The following OXCT1 variants were observed in gnomAD, a reference collection of about 807,000 sequenced individuals.
OXCT1 encodes 3-oxoacid CoA-transferase 1, also known as succinyl-CoA:3-ketoacid coenzyme A transferase 1, mitochondrial.
In OXCT1, 27 loss-of-function variants were observed where a neutral mutation model predicts 69.6. The ratio of observed to expected loss-of-function variants is 0.39; its 90% CI spans 0.29 to 0.54. The LOEUF is 0.54. OXCT1 is among the 20% of genes least tolerant of loss of function. OXCT1 has a pLI of 0.72. For missense variants in OXCT1, 437 were observed against 650.2 expected (o/e 0.67, Z 3.57); for synonymous variants, 202 against 217.8 (o/e 0.93, Z 0.64).
intron 13 of OXCT1, among the ~76,000 whole-genome samples, chr5:41,772,093 TCTC>T (rs1330526850): frequency 6.6e-6 from 1 of 152,182 alleles, no homozygotes; most frequent in Non-Finnish European, 1.5e-5. Flanking sequence ...AATATATTAA[TCTC>T]CTCAACAACT....
chr5:41,749,611 T>C lies in OXCT1; in HGVS notation c.1339-4A>G, dbSNP rs772316297. 6.3e-6 allele frequency: 10 copies of C among 1,591,612 alleles called. No homozygotes were observed. The highest frequency in any genetic ancestry group is 1.1e-5 in the South Asian group (1 of 90,206). On this transcript the variant is annotated splice_polypyrimidine_tract_variant and splice_region_variant and intron_variant, in intron 14 of 16. Coordinates refer to ENST00000196371, the MANE Select transcript of OXCT1 (RefSeq NM_000436.4). Reference sequence around the variant, plus strand: ...CCATGATTTTATGTGCATTTCCCTGTTTTAAAAAGAAAACATCAAAAAGAG... The same window carrying C: ...CCATGATTTTATGTGCATTTCCCTGCTTTAAAAAGAAAACATCAAAAAGAG...
intron 15 of OXCT1, among the ~76,000 whole-genome samples, chr5:41,742,203 A>G (rs1030788283): frequency 6.6e-6 from 1 of 152,234 alleles, no homozygotes; most frequent in African/African-American, 2.4e-5. Flanking sequence ...AATTAGATAT[A>G]TTAGAAAACC....
chr5:41,760,202 G>A (rs1251448799), intron 14 of OXCT1, among the ~76,000 whole-genome samples: 1 of 152,126 alleles, frequency 6.6e-6, no homozygotes, highest in Admixed American at 6.6e-5. Context: ...AGAGCCACAA[G>A]TAAAATGTGT....
At chr5:41,799,185 A>C (rs1314955388) in intron 11 of OXCT1, among the ~76,000 whole-genome samples, 1 of 151,892 alleles carries the variant, frequency 6.6e-6, no homozygotes, top group Non-Finnish European at 1.5e-5. Flanking sequence ...GTATTCAAAG[A>C]GATTTCCATA....
intron 8 of OXCT1, among the ~76,000 whole-genome samples, chr5:41,806,482 T>A (rs1156503902): frequency 6.6e-6 from 1 of 152,100 alleles, no homozygotes; most frequent in African/African-American, 2.4e-5. Context: ...ATGTTGGAGA[T>A]GCGGCCTAGT....
At chr5:41,755,556 T>C (rs1474785020) in intron 14 of OXCT1, among the ~76,000 whole-genome samples, 2 of 152,156 alleles carry the variant, frequency 1.3e-5, no homozygotes, top group Non-Finnish European at 2.9e-5. Flanking sequence ...CTGAAGGATG[T>C]CTCCCAAGAA....
intron 7 of OXCT1, among the ~76,000 whole-genome samples, chr5:41,825,731 T>C (rs1428946176): frequency 2.6e-5 from 4 of 152,122 alleles, no homozygotes; most frequent in Non-Finnish European, 5.9e-5. Flanking sequence ...ACATGATCTC[T>C]TTGTGCACAC....
chr5:41,867,348 C>T (rs1372052539), intron 1 of OXCT1, among the ~76,000 whole-genome samples: 1 of 152,192 alleles, frequency 6.6e-6, no homozygotes, highest in Non-Finnish European at 1.5e-5. Context: ...GACATAGCCC[C>T]TGCTATAATG....
chr5:41,859,160 G>A (rs1749600963), intron 3 of OXCT1, among the ~76,000 whole-genome samples: 1 of 152,198 alleles, frequency 6.6e-6, no homozygotes, highest in Non-Finnish European at 1.5e-5. Flanking sequence ...CCATGATGGT[G>A]ATCAGATAGA....
chr5:41,806,997 T>C (rs1262939825), intron 8 of OXCT1, among the ~76,000 whole-genome samples: 1 of 151,946 alleles, frequency 6.6e-6, no homozygotes, highest in Non-Finnish European at 1.5e-5. Context: ...ACAGCAGGGA[T>C]AAAACCACCA....
rs146490835 is a variant in OXCT1 at position 41,747,623 on chromosome 5, G to A, written c.1419+1904C>T. 3.3e-3 allele frequency among the ~76,000 whole-genome samples: 495 copies of A among 152,172 alleles called. 6 individuals carry two copies. Among genetic ancestry groups the A allele is most frequent in the African/African-American group, 0.011 (461 of 41,538 alleles). On this transcript the variant is annotated intron_variant, in intron 15 of 16. Coordinates refer to ENST00000196371, the MANE Select transcript of OXCT1 (RefSeq NM_000436.4). ...ATTAGGGAAGATTAGCTAGATGGAT[G>A]GGGTGGGAAGAATGTTCCAGACAGA...
intron 15 of OXCT1, 33 bp downstream of exon 15, chr5:41,749,494 A>C (rs1310292099): frequency 7.1e-7 from 1 of 1,409,188 alleles, no homozygotes; most frequent in African/African-American, 1.4e-5. Flanking sequence ...TGCTTACTTA[A>C]AACATGGTAA....
At chr5:41,803,028 T>G (rs1746496587) in intron 10 of OXCT1, 41 bp downstream of exon 10, 6 of 1,350,180 alleles carry the variant, frequency 4.4e-6, no homozygotes, top group Non-Finnish European at 6.4e-6. Context: ...TATCTCATTC[T>G]TCATTAAGAC....
intron 5 of OXCT1, 143 bp downstream of exon 5, chr5:41,849,887 C>T (rs941887022): frequency 2.4e-6 from 2 of 843,302 alleles, no homozygotes; most frequent in Middle Eastern, 2.2e-4. Context: ...CCAGATTTAG[C>T]TAGAAATTTC....
At chr5:41,769,040 T>C (rs1744752611) in intron 13 of OXCT1, among the ~76,000 whole-genome samples, 1 of 152,172 alleles carries the variant, frequency 6.6e-6, no homozygotes, top group African/African-American at 2.4e-5. Context: ...GCTTATTCTT[T>C]ATGTATCAAT....
intron 13 of OXCT1, among the ~76,000 whole-genome samples, chr5:41,775,233 T>C (rs1228319238): frequency 6.6e-6 from 1 of 152,166 alleles, no homozygotes; most frequent in Non-Finnish European, 1.5e-5. Context: ...CTTACAAAAC[T>C]GCTCCCCATT....
intron 7 of OXCT1, among the ~76,000 whole-genome samples, chr5:41,832,409 T>C (rs998587869): frequency 4.6e-5 from 7 of 152,088 alleles, no homozygotes; most frequent in Non-Finnish European, 7.4e-5. Flanking sequence ...CAGCAGTCTC[T>C]ACCTGGTAAC....
In OXCT1 at chr5:41,870,388, G is replaced by A. The variant is rs1335223686; in HGVS notation, c.-30C>T. 6.4e-7 allele frequency: 1 copy of A among 1,571,754 alleles called. No homozygotes were observed. The highest frequency in any genetic ancestry group is 1.1e-5 in the South Asian group (1 of 89,734). ...GGGCGGTGAGGCAGGAGGAGGCTGCGGGTTGGAGCGCGCGTTTGAGCGTCG... is the reference window on the plus strand; with the variant it reads ...GGGCGGTGAGGCAGGAGGAGGCTGCAGGTTGGAGCGCGCGTTTGAGCGTCG... On this transcript the variant is annotated 5_prime_UTR_variant, in exon 1 of 17. Coordinates refer to ENST00000196371, the MANE Select transcript of OXCT1 (RefSeq NM_000436.4). This position sits in a 1 kb window ranked among gnomAD's most constrained non-coding sequence, Gnocchi z 4.2.
intron 13 of OXCT1, among the ~76,000 whole-genome samples, chr5:41,783,250 G>A (rs1341739636): frequency 1.3e-5 from 2 of 152,140 alleles, no homozygotes; most frequent in Admixed American, 6.5e-5. Context: ...TTTCTCAAAA[G>A]TGTTGATCAA....
Sources: gnomAD v4.1 joint callset for allele counts (sites outside exome capture counted in the v4.1 genomes callset) on GRCh38, gnomAD v4.1.1 for gene constraint, Gnocchi (gnomAD v3.1) non-coding constraint, MANE v1.5 for transcripts, NCBI Gene and HGNC (gene_info 2026-07-23, HGNC 2026-07-21) for gene names.